PRPF6: variants seen among roughly 807,000 people sequenced by gnomAD.
PRPF6 encodes pre-mRNA processing factor 6, also known as pre-mRNA-processing factor 6.
A neutral mutation model predicts 118.3 loss-of-function variants in PRPF6; 42 were observed. That is an observed-to-expected ratio of 0.35 (90% CI 0.28 to 0.46). PRPF6 has a LOEUF of 0.46. PRPF6 is among the 20% of genes least tolerant of loss of function. The probability of loss-of-function intolerance (pLI) is 1.00; values close to 1 mark genes in which losing one functional copy is unlikely to be tolerated. For synonymous variants in PRPF6, 481 were observed against 485.1 expected (o/e 0.99, Z 0.11); for missense variants, 662 against 1,255.7 (o/e 0.53, Z 7.15).
chr20:63,981,453 G>A, intron 1 of PRPF6, 137 bp downstream of exon 1: 1 of 847,412 alleles, frequency 1.2e-6, no homozygotes, highest in East Asian at 2.7e-5. Context: ...CCTGCAGGAA[G>A]CAACGGGCTT....
chr20:63,981,179 T>A lies in PRPF6; in HGVS notation c.-67T>A. On this transcript the variant is annotated 5_prime_UTR_variant, in exon 1 of 21. Coordinates refer to ENST00000266079, the MANE Select transcript of PRPF6 (RefSeq NM_012469.4). ...GTGCATCGGACGTCGAAGCCTAGAG[T>A]CTCTGCGTCTTTCCCTCTTCCGCTG... The A allele has an allele frequency of 6.7e-7, 1 of 1,501,000 alleles. No homozygotes were observed. 93.0% of individuals were successfully genotyped at this position (1,501,000 alleles called of 1,614,324 possible).
chr20:63,995,990 AAG>A (rs1331030157), intron 6 of PRPF6, among the ~76,000 whole-genome samples: 14 of 152,080 alleles, frequency 9.2e-5, no homozygotes, highest in African/African-American at 3.4e-4. Flanking sequence ...ATTTTTTAAA[AAG>A]TGTGTTTTTT....
chr20:63,997,840 G>A (rs2059147979), intron 6 of PRPF6, among the ~76,000 whole-genome samples: 1 of 152,038 alleles, frequency 6.6e-6, no homozygotes, highest in Non-Finnish European at 1.5e-5. Flanking sequence ...CTCCCAAAGT[G>A]CTGGGATTAC....
intron 3 of PRPF6, among the ~76,000 whole-genome samples, chr20:63,987,216 G>A: frequency 7.6e-6 from 1 of 131,796 alleles, no homozygotes; most frequent in East Asian, 2.3e-4. Context: ...CACAATAAAA[G>A]CTATATACAG....
At chr20:63,988,001 G>A (rs1660643850) in intron 3 of PRPF6, among the ~76,000 whole-genome samples, 1 of 151,486 alleles carries the variant, frequency 6.6e-6, no homozygotes. Flanking sequence ...TGACCAACGT[G>A]GTGAAACCCT....
chr20:63,999,192 G>C (rs1601516546), intron 7 of PRPF6, 53 bp downstream of exon 7: 4 of 1,499,480 alleles, frequency 2.7e-6, no homozygotes, highest in Non-Finnish European at 3.7e-6. Flanking sequence ...GTTGCCTAGG[G>C]TATTTTGGAT....
chr20:63,996,421 C>G (rs1296333117), intron 6 of PRPF6, among the ~76,000 whole-genome samples: 1 of 152,138 alleles, frequency 6.6e-6, no homozygotes, highest in Non-Finnish European at 1.5e-5. Context: ...CTAAGGCGAT[C>G]CTTCCACCTC....
At position 63,999,814 on chromosome 20, in the gene PRPF6, C is replaced by T. The variant is rs185605916; in HGVS notation, c.1023+55C>T. 1.2e-4 allele frequency: 191 copies of T among 1,594,482 alleles called. 1 individual carries two copies. Among genetic ancestry groups the T allele is most frequent in the South Asian group, 1.0e-3 (93 of 89,352 alleles). On this transcript the variant is annotated intron_variant, in intron 8 of 20. Transcript: ENST00000266079. Reference sequence around the variant, plus strand: ...GGAGGCTGCGTGATTGTGGCCCCTACGGGAGTAAACTTGTTAGAGCAAATC... The same window carrying T: ...GGAGGCTGCGTGATTGTGGCCCCTATGGGAGTAAACTTGTTAGAGCAAATC...
At chr20:64,024,742 G>A in intron 14 of PRPF6, 49 bp downstream of exon 14, 1 of 1,595,776 alleles carries the variant, frequency 6.3e-7, no homozygotes, top group East Asian at 2.3e-5. Flanking sequence ...CACAGGAGCT[G>A]ACCTGGGTGC....
At chr20:63,995,203 G>A in intron 5 of PRPF6, 111 bp downstream of exon 5, 1 of 1,581,106 alleles carries the variant, frequency 6.3e-7, no homozygotes, top group East Asian at 2.3e-5. Flanking sequence ...CTATGCTGTG[G>A]CCGAGTCTGT....
At position 64,033,089 on chromosome 20, in the gene PRPF6, C is replaced by T; in HGVS notation, c.*96C>T. 6.4e-7 allele frequency: 1 copy of T among 1,553,826 alleles called. No homozygotes were observed. Among genetic ancestry groups the T allele is most frequent in the Non-Finnish European group, 8.8e-7 (1 of 1,140,134 alleles). ...CCTCCTTCATTAAAAGTTTTTATGT[C>T]TCGTGTCAGAACAGGCAGCCTGCTG... On this transcript the variant is annotated 3_prime_UTR_variant, in exon 21 of 21. Transcript: ENST00000266079.
chr20:64,024,441 C>A, intron 13 of PRPF6, 114 bp from the exon 14 acceptor site: 1 of 1,367,956 alleles, frequency 7.3e-7, no homozygotes, highest in South Asian at 1.2e-5. Flanking sequence ...TCATTTATAG[C>A]ATCGAACTTT....
intron 6 of PRPF6, among the ~76,000 whole-genome samples, chr20:63,997,051 A>G (rs1003856508): frequency 1.3e-5 from 2 of 152,148 alleles, no homozygotes; most frequent in Admixed American, 1.3e-4. Context: ...ATGTTGTTAT[A>G]CAACCTCATC....
At chr20:63,992,924 A>G (rs2059124784) in intron 3 of PRPF6, among the ~76,000 whole-genome samples, 1 of 151,910 alleles carries the variant, frequency 6.6e-6, no homozygotes, top group Admixed American at 6.6e-5. Flanking sequence ...ACCTTAAAAT[A>G]TATTTGATTT....
rs1282087350 is a variant in PRPF6, at chr20:64,001,248, C to T, written c.1186+9C>T. The T allele has an allele frequency of 1.1e-5, 17 of 1,614,090 alleles. No individual in the cohort carries two copies. The highest frequency in any genetic ancestry group is 1.4e-5 in the Non-Finnish European group (17 of 1,180,016). On this transcript the variant is annotated intron_variant, in intron 9 of 20. Transcript: ENST00000266079. Reference sequence around the variant, plus strand: ...GCGGGTTCTTCGGAAAGGTGAGCCTCCCTCGGAGGTGCTGCTTTCTCCCTC... The same window carrying T: ...GCGGGTTCTTCGGAAAGGTGAGCCTTCCTCGGAGGTGCTGCTTTCTCCCTC...
At chr20:64,018,494 T>A (rs2059249088) in intron 12 of PRPF6, among the ~76,000 whole-genome samples, 1 of 152,232 alleles carries the variant, frequency 6.6e-6, no homozygotes. Context: ...CGCAGGTGTT[T>A]CCACTGTATG....
rs915616828 is a variant in PRPF6 at position 64,027,439 on chromosome 20, C to T, written c.2206-164C>T. On this transcript the variant is annotated intron_variant, in intron 16 of 20. Coordinates refer to ENST00000266079, the MANE Select transcript of PRPF6 (RefSeq NM_012469.4). This position sits in a 1 kb window ranked among gnomAD's most constrained non-coding sequence, Gnocchi z 6.5. ...TGTGTGCACAGGTCCACAGCACCAC[C>T]GCACACCTGTACACCCACAAATGCA... Among the ~76,000 whole-genome samples the T allele has an allele frequency of 1.3e-5, 2 of 152,176 alleles. No individual in the cohort carries two copies. The highest frequency in any genetic ancestry group is 2.4e-5 in the African/African-American group (1 of 41,446).
intron 2 of PRPF6, among the ~76,000 whole-genome samples, chr20:63,983,671 T>TTTTTG (rs2059081278): frequency 6.7e-6 from 1 of 149,124 alleles, no homozygotes; most frequent in Non-Finnish European, 1.5e-5. Flanking sequence ...TTTTTTTTTT[T>TTTTTG]GAGACGGACT....
chr20:63,998,117 C>T (rs549220681), intron 6 of PRPF6, among the ~76,000 whole-genome samples: 17 of 151,680 alleles, frequency 1.1e-4, no homozygotes, highest in African/African-American at 2.9e-4. Flanking sequence ...TTTTTTGAGA[C>T]GGGGTCTTGC....
Sources: gnomAD v4.1 joint callset for allele counts (sites outside exome capture counted in the v4.1 genomes callset) on GRCh38, gnomAD v4.1.1 for gene constraint, Gnocchi (gnomAD v3.1) non-coding constraint, MANE v1.5 for transcripts, NCBI Gene and HGNC (gene_info 2026-07-23, HGNC 2026-07-21) for gene names.